The following THADA variants were observed in gnomAD, a reference collection of about 807,000 sequenced individuals.
THADA encodes tRNA (32-2'-O)-methyltransferase regulator THADA.
In THADA, 213 loss-of-function variants were observed where a neutral mutation model predicts 219.8. The ratio of observed to expected loss-of-function variants is 0.97; its 90% confidence interval spans 0.87 to 1.09. The LOEUF is 1.09. THADA is among the 50% of genes least tolerant of loss of function. THADA has a pLI of 0.00. For missense variants in THADA, 2,956 were observed against 2,311.3 expected (o/e 1.28, Z -5.72); for synonymous variants, 1,018 against 828.9 (o/e 1.23, Z -3.92).
intron 22 of THADA, among the ~76,000 whole-genome samples, chr2:43,518,656 G>A (rs1056510836): frequency 6.6e-6 from 1 of 152,192 alleles, no homozygotes; most frequent in Non-Finnish European, 1.5e-5. Flanking sequence ...CAATGTCTCT[G>A]AGTTTTAACA....
chr2:43,574,886 C>T lies in THADA; in HGVS notation c.1179G>A (p.Leu393=), dbSNP rs780226449. 3 of 1,613,928 alleles carry T rather than the reference C, an allele frequency of 1.9e-6. No individual in the cohort carries two copies. Among genetic ancestry groups the T allele is most frequent in the Non-Finnish European group, 2.5e-6 (3 of 1,179,884 alleles). ...GTTCCCAATGGGTATAGACATATTC[C>T]AAAAGTCTCCCAACTATACTTGAAT... ...NGNSSIVGRL[L]EYVYTHWEHP... is the part of the protein sequence containing the mutation. The change falls in exon 11 of 38, where the codon TTG becomes TTA. Residue 393 remains leucine, a synonymous_variant. Coordinates refer to ENST00000405975, the MANE Select transcript of THADA (RefSeq NM_022065.5).
At chr2:43,481,718 C>T (rs1304321809) in intron 26 of THADA, among the ~76,000 whole-genome samples, 1 of 152,146 alleles carries the variant, frequency 6.6e-6, no homozygotes, top group Non-Finnish European at 1.5e-5. Context: ...TCTTCATGTA[C>T]TCCCCTATTA....
intron 29 of THADA, among the ~76,000 whole-genome samples, chr2:43,392,286 C>T (rs1041191722): frequency 8.5e-5 from 13 of 152,090 alleles, no homozygotes; most frequent in African/African-American, 2.9e-4. Flanking sequence ...TATATTTAAT[C>T]ACAAGTTTTG....
At chr2:43,325,240 G>T (rs1679186917) in intron 30 of THADA, among the ~76,000 whole-genome samples, 1 of 152,108 alleles carries the variant, frequency 6.6e-6, no homozygotes. Flanking sequence ...AAGTCTTGGG[G>T]AAGTCTGTGA....
intron 31 of THADA, among the ~76,000 whole-genome samples, chr2:43,297,608 C>A (rs1438917771): frequency 9.9e-6 from 1 of 101,064 alleles, no homozygotes; most frequent in South Asian, 3.2e-4. Flanking sequence ...GGGGGGTCAG[C>A]CCCCCGCCCG....
intron 26 of THADA, chr2:43,430,765 G>T: frequency 2.8e-6 from 1 of 353,540 alleles, no homozygotes; most frequent in Non-Finnish European, 5.9e-6. Context: ...ACACATTGTG[G>T]GATGTTTAGC....
intron 8 of THADA, among the ~76,000 whole-genome samples, chr2:43,578,891 G>A (rs1402592399): frequency 6.6e-6 from 1 of 152,214 alleles, no homozygotes; most frequent in Non-Finnish European, 1.5e-5. Context: ...GAGTGTAGTA[G>A]CGTGACCTCA....
chr2:43,246,756 C>G (rs1204728004), intron 36 of THADA, among the ~76,000 whole-genome samples: 1 of 152,156 alleles, frequency 6.6e-6, no homozygotes, highest in African/African-American at 2.4e-5. Flanking sequence ...AGTTTACTCC[C>G]CAGAGCTCTC....
chr2:43,340,353 T>C (rs1666938760), intron 30 of THADA, among the ~76,000 whole-genome samples: 2 of 152,226 alleles, frequency 1.3e-5, no homozygotes, highest in Admixed American at 6.5e-5. Context: ...AATCACCTCA[T>C]ATAAATCCCT....
chr2:43,232,764 C>T lies in THADA; in HGVS notation c.5415G>A (p.Trp1805Ter), dbSNP rs754331782. ...LAPGLPILLG[W>*]LLGESDDLVA... is the part of the protein sequence containing the mutation. Reference sequence around the variant, plus strand: ...CGAGGTCATCACTCTCTCCCAACAGCCATCCCAGCAGGATGGGCAGTCCAG... The same window carrying T: ...CGAGGTCATCACTCTCTCCCAACAGTCATCCCAGCAGGATGGGCAGTCCAG... Residue 1805 changes from tryptophan (W) to a stop codon, truncating the protein, a stop_gained, in exon 37 of 38, where the codon TGG becomes TGA. Transcript: ENST00000405975. LOFTEE classifies it high-confidence loss of function. 1 of 1,613,854 alleles carries T rather than the reference C, an allele frequency of 6.2e-7. No homozygotes were observed. Among genetic ancestry groups the T allele is most frequent in the Admixed American group, 1.7e-5 (1 of 59,994 alleles).
chr2:43,583,411 T>C (rs558502287), intron 7 of THADA, among the ~76,000 whole-genome samples: 3 of 152,360 alleles, frequency 2.0e-5, no homozygotes, highest in Non-Finnish European at 2.9e-5. Context: ...CATAGCCTCC[T>C]AACTGGTCTC....
intron 29 of THADA, among the ~76,000 whole-genome samples, chr2:43,349,378 C>T (rs972207893): frequency 6.6e-6 from 1 of 152,194 alleles, no homozygotes; most frequent in Non-Finnish European, 1.5e-5. Flanking sequence ...TCCATTTTGG[C>T]AGCTTTGAAA....
intron 36 of THADA, among the ~76,000 whole-genome samples, chr2:43,263,780 T>C (rs1367903753): frequency 1.3e-5 from 2 of 152,216 alleles, no homozygotes; most frequent in African/African-American, 4.8e-5. Context: ...GAAGTGCAGG[T>C]TTGTTACAAA....
chr2:43,432,509 A>G (rs1002008437), intron 26 of THADA, among the ~76,000 whole-genome samples: 2 of 150,502 alleles, frequency 1.3e-5, no homozygotes, highest in Admixed American at 1.3e-4. Context: ...AAATTCTAAT[A>G]TAAGACTTTT....
rs756487240 is a variant in THADA at position 43,428,057 on chromosome 2, C to T, written c.4058+43G>A. The T allele has an allele frequency of 3.4e-6, 5 of 1,455,110 alleles. No individual in the cohort carries two copies. The Admixed American group carries it at 1.1e-4, about 33-fold the overall frequency. The allele number at this position is 1,455,110 out of a possible 1,614,324, so 90.1% of individuals were successfully genotyped here. On this transcript the variant is annotated intron_variant, in intron 28 of 37. Transcript: ENST00000405975. ...AAGAAGATAAAATATTCCCGTAAAA[C>T]TCCCACGCCAACCTAGACAATTTCT...
chr2:43,231,890 CAAG>C (rs1484958565), intron 37 of THADA, among the ~76,000 whole-genome samples: 1 of 152,124 alleles, frequency 6.6e-6, no homozygotes, highest in Non-Finnish European at 1.5e-5. Flanking sequence ...CTGGGGATGC[CAAG>C]AAGGCCAGCT....
chr2:43,297,457 T>A (rs1244957990), intron 31 of THADA, among the ~76,000 whole-genome samples: 1 of 56,540 alleles, frequency 1.8e-5, no homozygotes, highest in Admixed American at 1.6e-4. Flanking sequence ...TGGGGGGGGG[T>A]CAGCCCCCCG....
chr2:43,561,130 A>T (rs1341758220), intron 15 of THADA, among the ~76,000 whole-genome samples: 1 of 152,140 alleles, frequency 6.6e-6, no homozygotes, highest in Non-Finnish European at 1.5e-5. Flanking sequence ...AAAGATAAAG[A>T]AGGAATCTTT....
intron 25 of THADA, among the ~76,000 whole-genome samples, chr2:43,488,320 G>A (rs541990822): frequency 9.0e-4 from 137 of 152,154 alleles, no homozygotes; most frequent in African/African-American, 3.0e-3. Context: ...AATGAAACTC[G>A]GGAGCCGTTA....
Sources: allele counts gnomAD v4.1 joint callset (sites outside exome capture counted in the v4.1 genomes callset), GRCh38; gene constraint gnomAD v4.1.1; transcripts MANE v1.5; gene names NCBI Gene and HGNC (gene_info 2026-07-23, HGNC 2026-07-21).